Variants in PTPRD observed in about 807,000 individuals in gnomAD.
PTPRD encodes the protein protein tyrosine phosphatase receptor type D, also known as receptor-type tyrosine-protein phosphatase delta.
PTPRD carries 34 observed loss-of-function variants against 214.5 expected under a neutral mutation model. The observed-to-expected ratio is 0.16, with a 90% CI of 0.12 to 0.21. PTPRD has a LOEUF of 0.21. Among genes scored for constraint, PTPRD ranks in the 10% least tolerant of loss-of-function variants. The pLI is 1.00. For synonymous variants in PTPRD, 1,128 were observed against 845.7 expected (o/e 1.33, Z -5.79); for missense variants, 2,545 against 2,398.7 (o/e 1.06, Z -1.27).
chr9:8,598,263 C>T (rs540917383), intron 14 of PTPRD, among the ~76,000 whole-genome samples: 2 of 152,024 alleles, frequency 1.3e-5, no homozygotes, highest in African/African-American at 4.8e-5. Flanking sequence ...ACCAGCCTGG[C>T]CAACATGGTG....
intron 35 of PTPRD, among the ~76,000 whole-genome samples, chr9:8,416,904 C>T (rs1243420766): frequency 1.3e-5 from 2 of 151,924 alleles, no homozygotes; most frequent in African/African-American, 4.8e-5. Context: ...CCATGAGTCA[C>T]TCTTGGTGGT....
At chr9:8,758,385 G>A (rs2094167217) in intron 11 of PTPRD, among the ~76,000 whole-genome samples, 1 of 151,998 alleles carries the variant, frequency 6.6e-6, no homozygotes, top group Admixed American at 6.6e-5. Flanking sequence ...GTTCAGGATG[G>A]GAAAAGCTGA....
At chr9:8,485,105 T>A (rs1318448792) in intron 29 of PTPRD, 122 bp downstream of exon 29, 3 of 723,154 alleles carry the variant, frequency 4.1e-6, no homozygotes, top group Non-Finnish European at 4.6e-6. Context: ...AAGTCACAAA[T>A]GAAAATAGCA....
At chr9:10,228,073 G>C (rs910172920) in intron 3 of PTPRD, among the ~76,000 whole-genome samples, 3 of 151,916 alleles carry the variant, frequency 2.0e-5, no homozygotes, top group Admixed American at 2.0e-4. Context: ...GATTAAAAGA[G>C]ATTTTGGATA....
chr9:8,460,598 T>C (rs1246456956), intron 32 of PTPRD, 27 bp from the exon 33 acceptor site: 1 of 1,594,898 alleles, frequency 6.3e-7, no homozygotes, highest in Non-Finnish European at 8.5e-7. Context: ...TCTATTTCAG[T>C]TATAAAATAA....
chr9:10,229,603 C>CA (rs1017631647), intron 3 of PTPRD, among the ~76,000 whole-genome samples: 5 of 145,568 alleles, frequency 3.4e-5, no homozygotes, highest in African/African-American at 1.3e-4. Context: ...ATCACAAGGA[C>CA]AAAAAACCAA....
chr9:8,952,664 G>A (rs1444278461), intron 11 of PTPRD, among the ~76,000 whole-genome samples: 1 of 151,670 alleles, frequency 6.6e-6, no homozygotes, highest in Admixed American at 6.6e-5. Context: ...TCAAGCAGGG[G>A]GCAGAGGTAT....
In PTPRD at chr9:9,892,739, C is replaced by T. The variant is rs373545436; in HGVS notation, c.-368+45768G>A. Among the ~76,000 whole-genome samples the T allele has an allele frequency of 2.4e-3, 337 of 138,258 alleles. 1 individual carries two copies. The highest frequency in any genetic ancestry group is 9.2e-3 in the African/African-American group (325 of 35,464). The allele number at this position is 138,258 out of a possible 152,430, so 90.7% of individuals were successfully genotyped here. A position where few individuals can be genotyped will look rare whatever the true frequency, so the allele number is the denominator to read the frequency against. The stretch of plus-strand genomic sequence containing the variant: ...ACTGGTTAGGAGCCCATTATAATAA[C>T]GAGGTAAAAAAAAAAAAATTGTGTC... On this transcript the variant is annotated intron_variant, in intron 5 of 45. Transcript: ENST00000381196.
chr9:9,488,816 C>T lies in PTPRD; in HGVS notation c.-237+85916G>A, dbSNP rs576811417. 2.6e-5 allele frequency among the ~76,000 whole-genome samples: 4 copies of T among 152,260 alleles called. No individual in the cohort carries two copies. The South Asian group carries it at 8.3e-4, about 32-fold the overall frequency. On this transcript the variant is annotated intron_variant, in intron 8 of 45. Transcript: ENST00000381196. ...AGTAGCAGACACTCATTCTCCACCC[C>T]TAGCCACACTGCAAGCAGCTGTGGA...
At chr9:8,876,224 G>GTTGTTGTTGT (rs1555464147) in intron 11 of PTPRD, among the ~76,000 whole-genome samples, 9 of 151,078 alleles carry the variant, frequency 6.0e-5, no homozygotes, top group East Asian at 2.0e-4. Context: ...ATGTGTGTGT[G>GTTGTTGTTGT]TGTTGTTGTT....
In PTPRD at chr9:8,618,906, GTTTTTTTGTT is replaced by G. The variant is rs1203920159; in HGVS notation, c.352+14401_352+14410del. Among the ~76,000 whole-genome samples, 363 of 96,814 alleles carry G rather than the reference GTTTTTTTGTT, an allele frequency of 3.7e-3. 6 individuals carry two copies. The highest frequency in any genetic ancestry group is 0.014 in the African/African-American group (355 of 25,474). The allele number at this position is 96,814 out of a possible 152,430, so 63.5% of individuals were successfully genotyped here. A position where few individuals can be genotyped will look rare whatever the true frequency, so the allele number is the denominator to read the frequency against. ...TGTGTGTGTGTGTGTGTTTGTCTGT[GTTTTTTTGTT>G]TTTTTTTTTTTTTTTTTTTTTTTAC... On this transcript the variant is annotated intron_variant, in intron 14 of 45. Transcript: ENST00000381196.
At chr9:9,422,048 A>G (rs1421638088) in intron 8 of PTPRD, among the ~76,000 whole-genome samples, 1 of 152,132 alleles carries the variant, frequency 6.6e-6, no homozygotes, top group African/African-American at 2.4e-5. Context: ...TTTGACATCT[A>G]TGGACAGGTA....
At chr9:8,820,910 C>T (rs1600861387) in intron 11 of PTPRD, among the ~76,000 whole-genome samples, 1 of 152,288 alleles carries the variant, frequency 6.6e-6, no homozygotes. Context: ...TTTTCTAACT[C>T]TTAATAATAT....
intron 4 of PTPRD, among the ~76,000 whole-genome samples, chr9:9,978,050 A>G (rs1300699630): frequency 6.6e-6 from 1 of 152,126 alleles, no homozygotes; most frequent in Non-Finnish European, 1.5e-5. Flanking sequence ...ACTTTTCTCA[A>G]GTCCATCAGA....
intron 3 of PTPRD, among the ~76,000 whole-genome samples, chr9:10,044,228 C>T (rs937991271): frequency 6.6e-6 from 1 of 151,234 alleles, no homozygotes; most frequent in Non-Finnish European, 1.5e-5. Flanking sequence ...AGAATAAGGT[C>T]TATGAGTTTT....
intron 7 of PTPRD, among the ~76,000 whole-genome samples, chr9:9,637,820 T>A (rs946911616): frequency 1.3e-5 from 2 of 152,166 alleles, no homozygotes; most frequent in African/African-American, 4.8e-5. Context: ...TGTGTGGCAG[T>A]TCCACCCCTG....
At chr9:10,319,939 A>C (rs546267677) in intron 3 of PTPRD, among the ~76,000 whole-genome samples, 2 of 152,116 alleles carry the variant, frequency 1.3e-5, no homozygotes, top group Non-Finnish European at 2.9e-5. Flanking sequence ...CCAACCTAAA[A>C]AATATATTTT....
intron 2 of PTPRD, among the ~76,000 whole-genome samples, chr9:10,492,549 T>G (rs2040663128): frequency 6.6e-6 from 1 of 152,190 alleles, no homozygotes; most frequent in South Asian, 2.1e-4. Flanking sequence ...TGCCCAGTTT[T>G]TGATGGGGTT....
intron 10 of PTPRD, among the ~76,000 whole-genome samples, chr9:9,122,553 C>T (rs77062575): frequency 6.6e-6 from 1 of 152,132 alleles, no homozygotes; most frequent in Non-Finnish European, 1.5e-5. Flanking sequence ...TCATTCCTAA[C>T]ATAATTTTAG....
Sources: gnomAD v4.1 joint callset for allele counts (sites outside exome capture counted in the v4.1 genomes callset) on GRCh38, gnomAD v4.1.1 for gene constraint, MANE v1.5 for transcripts, NCBI Gene and HGNC (gene_info 2026-07-23, HGNC 2026-07-21) for gene names.